The following FGD6 variants were observed in gnomAD, a reference collection of about 807,000 sequenced individuals.
The protein encoded by FGD6 is FYVE, RhoGEF and PH domain-containing protein 6.
FGD6 carries 90 observed loss-of-function variants against 149.4 expected under a neutral mutation model. The observed-to-expected ratio is 0.60, with a 90% CI of 0.51 to 0.72. The LOEUF (loss-of-function observed/expected upper bound fraction) is 0.72, where lower values mean the gene tolerates loss of function less well. Ranked by LOEUF, FGD6 falls within the 30% of genes least tolerant of loss-of-function variation. The pLI is 0.00. For synonymous variants in FGD6, 527 were observed against 584.0 expected (o/e 0.90, Z 1.41); for missense variants, 1,437 against 1,684.8 (o/e 0.85, Z 2.57).
chr12:95,097,315 T>C (rs1180034209), intron 14 of FGD6, among the ~76,000 whole-genome samples: 1 of 152,156 alleles, frequency 6.6e-6, no homozygotes, highest in Admixed American at 6.5e-5. Context: ...AGTACCACTT[T>C]CCCAATGACT....
intron 18 of FGD6, among the ~76,000 whole-genome samples, chr12:95,086,817 A>C (rs1026556089): frequency 1.5e-5 from 2 of 134,786 alleles, no homozygotes; most frequent in African/African-American, 5.6e-5. Flanking sequence ...AAGTGCTGGG[A>C]TTACAGGCGT....
At chr12:95,113,554 A>G in intron 9 of FGD6, 97 bp downstream of exon 9, 1 of 977,386 alleles carries the variant, frequency 1.0e-6, no homozygotes, top group Non-Finnish European at 1.6e-6. Context: ...GTATGAAGAG[A>G]GTTTGTAATG....
intron 8 of FGD6, among the ~76,000 whole-genome samples, chr12:95,127,035 T>C (rs1879365945): frequency 6.6e-6 from 1 of 152,146 alleles, no homozygotes; most frequent in Non-Finnish European, 1.5e-5. Flanking sequence ...TTTAACATGG[T>C]TGGAACTACC....
In FGD6 at chr12:95,209,980, C is replaced by T. The variant is rs748454448; in HGVS notation, c.1304G>A (p.Ser435Asn). 2.5e-6 allele frequency: 4 copies of T among 1,613,034 alleles called. No individual in the cohort carries two copies. In the South Asian group the frequency reaches 4.4e-5, roughly 18 times the overall value. ...CCCTTCGTCCACAGCAAGCGACATACTAGAACCATCTACAGTTGTGCTGTC... is the reference window on the plus strand; with the variant it reads ...CCCTTCGTCCACAGCAAGCGACATATTAGAACCATCTACAGTTGTGCTGTC... The part of the protein sequence containing the change: ...SSDSTTVDGS[S>N]MSLAVDEGTG... Residue 435 changes from serine (S) to asparagine (N), a missense_variant, in exon 2 of 21, where the codon AGT (serine) becomes AAT (asparagine). Ser to Asn is a conservative substitution (Grantham distance 46). This residue lies in a region of FGD6 where 1,055 missense variants were observed against 1,146.0 expected (regional missense o/e 0.92). Coordinates refer to ENST00000343958, the MANE Select transcript of FGD6 (RefSeq NM_018351.4).
At chr12:95,129,291 GC>G (rs1565903434) in intron 8 of FGD6, among the ~76,000 whole-genome samples, 6 of 142,268 alleles carry the variant, frequency 4.2e-5, no homozygotes, top group African/African-American at 1.6e-4. Flanking sequence ...ATGCATCCAT[GC>G]ATCCATGCAT....
chr12:95,159,437 T>G (rs1880573598), intron 3 of FGD6, among the ~76,000 whole-genome samples: 1 of 152,226 alleles, frequency 6.6e-6, no homozygotes, highest in African/African-American at 2.4e-5. Flanking sequence ...CATAAATTGT[T>G]CATGCTTCAA....
chr12:95,208,201 A>G (rs2136302812), intron 2 of FGD6, among the ~76,000 whole-genome samples: 1 of 152,230 alleles, frequency 6.6e-6, no homozygotes, highest in East Asian at 1.9e-4. Context: ...GCAGTAAGCC[A>G]TGATCATACC....
At chr12:95,087,129 C>T (rs1353167494) in intron 18 of FGD6, among the ~76,000 whole-genome samples, 3 of 152,088 alleles carry the variant, frequency 2.0e-5, no homozygotes, top group Non-Finnish European at 4.4e-5. Flanking sequence ...CGTGCCTGGC[C>T]TATTGACTCT....
intron 18 of FGD6, 101 bp from the exon 19 acceptor site, chr12:95,086,009 T>C (rs1877852650): frequency 1.7e-6 from 2 of 1,152,086 alleles, no homozygotes; most frequent in South Asian, 1.6e-5. Context: ...ACTGTAATGA[T>C]AGAATGTTTC....
At chr12:95,162,235 C>A (rs1363318626) in intron 3 of FGD6, among the ~76,000 whole-genome samples, 1 of 151,728 alleles carries the variant, frequency 6.6e-6, no homozygotes, top group Non-Finnish European at 1.5e-5. Flanking sequence ...AAGAATAGCC[C>A]CAGTTGGCCA....
intron 17 of FGD6, among the ~76,000 whole-genome samples, chr12:95,090,266 T>G (rs1878010349): frequency 6.6e-6 from 1 of 152,010 alleles, no homozygotes; most frequent in Non-Finnish European, 1.5e-5. Context: ...TGAAATTAAA[T>G]CATCTATCTG....
rs1342244030 is a variant in FGD6 at position 95,085,861 on chromosome 12, T to G, written c.4026A>C (p.Arg1342Ser). ...TCCAGGGTTTTTTATTGCCCTTTGA[T>G]CTGTACAAGTAGCCACTCATAGAAG... ...EDSSMSGYLY[R>S]SKGNKKPWKH... The change falls in exon 19 of 21, where the codon AGA (arginine) becomes AGC (serine). Residue 1342 changes from arginine (R) to serine (S), a missense_variant. Coordinates refer to ENST00000343958, the MANE Select transcript of FGD6 (RefSeq NM_018351.4). 1 of 1,613,762 alleles carries G rather than the reference T, an allele frequency of 6.2e-7. No individual in the cohort carries two copies. The highest frequency in any genetic ancestry group is 1.3e-5 in the African/African-American group (1 of 74,892).
intron 14 of FGD6, chr12:95,100,893 T>C (rs1878405252): frequency 2.7e-6 from 1 of 371,472 alleles, no homozygotes; most frequent in Admixed American, 3.2e-5. Context: ...GTGTCAGAGC[T>C]TATGGTGTTT....
chr12:95,194,512 G>A (rs1881686712), intron 2 of FGD6, among the ~76,000 whole-genome samples: 1 of 152,282 alleles, frequency 6.6e-6, no homozygotes, highest in East Asian at 1.9e-4. Context: ...TGGGATTACA[G>A]GCGTGAGCCA....
intron 8 of FGD6, among the ~76,000 whole-genome samples, chr12:95,114,443 TACACACAC>T (rs60238488): frequency 0.035 from 4,358 of 125,392 alleles, 136 homozygotes; most frequent in East Asian, 0.086. Context: ...CCATCTCTAC[TACACACAC>T]ACACACACAC....
intron 14 of FGD6, 138 bp from the exon 15 acceptor site, chr12:95,094,832 G>A: frequency 1.6e-6 from 1 of 640,696 alleles, no homozygotes; most frequent in Non-Finnish European, 2.8e-6. Flanking sequence ...CCTCAGAGTT[G>A]AGGCAGGTTT....
At chr12:95,116,599 C>A (rs1661592513) in intron 8 of FGD6, among the ~76,000 whole-genome samples, 1 of 152,142 alleles carries the variant, frequency 6.6e-6, no homozygotes, top group African/African-American at 2.4e-5. Flanking sequence ...CTTTTATGAA[C>A]ACAGTTGAAA....
At chr12:95,215,832 T>A (rs148027994) in intron 1 of FGD6, among the ~76,000 whole-genome samples, 1 of 152,176 alleles carries the variant, frequency 6.6e-6, no homozygotes, top group East Asian at 1.9e-4. Flanking sequence ...CTGATACATA[T>A]AAGACACGGT....
Position 95,217,392 on chromosome 12 carries a change from A to C in FGD6, c.-152T>G. Reference sequence around the variant, plus strand: ...CGCGGCGCAGCCTGAGCGCCACACAAAGGACGCGGCCGACTCTAGCGACCC... The same window carrying C: ...CGCGGCGCAGCCTGAGCGCCACACACAGGACGCGGCCGACTCTAGCGACCC... On this transcript the variant is annotated 5_prime_UTR_variant, in exon 1 of 21. Transcript: ENST00000343958. 7.7e-5 allele frequency: 95 copies of C among 1,227,364 alleles called. No individual in the cohort carries two copies. The highest frequency in any genetic ancestry group is 9.2e-5 in the Non-Finnish European group (85 of 925,434). 76.0% of individuals were successfully genotyped at this position (1,227,364 alleles called of 1,614,324 possible).
Sources: gnomAD v4.1 joint callset for allele counts (sites outside exome capture counted in the v4.1 genomes callset) on GRCh38, gnomAD v4.1.1 for gene constraint, gnomAD v4.1.1 regional missense constraint, MANE v1.5 for transcripts, NCBI Gene and HGNC (gene_info 2026-07-23, HGNC 2026-07-21) for gene names.